SPG21: variants seen among roughly 807,000 people sequenced by gnomAD.
SPG21 encodes maspardin.
SPG21 carries 26 observed loss-of-function variants against 38.9 expected under a neutral mutation model. The ratio of observed to expected loss-of-function variants is 0.67; its 90% CI spans 0.49 to 0.93. SPG21 has a LOEUF of 0.93. Among genes scored for constraint, SPG21 ranks in the 40% least tolerant of loss-of-function variants. The pLI is 0.00. For synonymous variants in SPG21, 136 were observed against 128.9 expected, an observed-to-expected ratio of 1.05 and a Z score of -0.37; for missense variants, 333 against 376.5, an observed-to-expected ratio of 0.88 and a Z score of 0.96.
intron 7 of SPG21, 141 bp downstream of exon 7, chr15:64,969,114 T>C (rs1290544165): frequency 9.1e-6 from 6 of 655,748 alleles, no homozygotes; most frequent in African/African-American, 5.5e-5. Context: ...TATTTTGGAA[T>C]TGAGAAAGCT....
chr15:64,974,262 T>TAAGAA (rs1719355931), intron 5 of SPG21, among the ~76,000 whole-genome samples: 1 of 151,852 alleles, frequency 6.6e-6, no homozygotes, highest in African/African-American at 2.4e-5. Context: ...AGCCCGGGAG[T>TAAGAA]TAGAGACCAG....
chr15:64,981,281 C>A, intron 2 of SPG21: 1 of 431,928 alleles, frequency 2.3e-6, no homozygotes, highest in East Asian at 4.8e-5. Flanking sequence ...TGTTTCTTCC[C>A]CCTCCTCCTT....
intron 7 of SPG21, 45 bp downstream of exon 7, chr15:64,969,210 C>A: frequency 7.8e-7 from 1 of 1,274,814 alleles, no homozygotes. Context: ...TTGACATACA[C>A]ATTTTAAAAA....
At chr15:64,988,079 G>A (rs1195759002) in intron 1 of SPG21, among the ~76,000 whole-genome samples, 2 of 151,776 alleles carry the variant, frequency 1.3e-5, no homozygotes, top group African/African-American at 4.8e-5. Flanking sequence ...CAAATTAGCT[G>A]GGCGCGGTGA....
Position 64,980,936 on chromosome 15 carries a change from A to G in SPG21, c.153T>C (p.Pro51=), listed in dbSNP as rs771940904. 134 of 1,614,024 alleles carry G rather than the reference A, an allele frequency of 8.3e-5. No homozygotes were observed. The highest frequency in any genetic ancestry group is 9.6e-5 in the Non-Finnish European group (113 of 1,180,016). ...SIRCPLIFLP[P]VSGTADVFFR... ...AAAAGACATCTGCAGTTCCACTGACAGGGGGCAGGAATATGAGAGGACACC... is the reference window on the plus strand; with the variant it reads ...AAAAGACATCTGCAGTTCCACTGACGGGGGGCAGGAATATGAGAGGACACC... Residue 51 remains proline (P), a synonymous_variant, in exon 3 of 9, where the codon CCT becomes CCC. Coordinates refer to ENST00000204566, the MANE Select transcript of SPG21 (RefSeq NM_016630.7).
chr15:64,986,221 C>T (rs2085990083), intron 1 of SPG21, among the ~76,000 whole-genome samples: 1 of 151,134 alleles, frequency 6.6e-6, no homozygotes, highest in Non-Finnish European at 1.5e-5. Context: ...CAAAAATTAG[C>T]CTGGCGTGGT....
At chr15:64,967,470 C>CTTTTT (rs34545889) in intron 7 of SPG21, among the ~76,000 whole-genome samples, 1 of 143,844 alleles carries the variant, frequency 7.0e-6, no homozygotes. Flanking sequence ...GCTAATTTTC[C>CTTTTT]TTTTTTTTTT....
At chr15:64,980,471 G>A (rs2085860703) in intron 3 of SPG21, among the ~76,000 whole-genome samples, 1 of 152,132 alleles carries the variant, frequency 6.6e-6, no homozygotes, top group African/African-American at 2.4e-5. Flanking sequence ...GGGCGCAGTG[G>A]CTCGTGGCTG....
chr15:64,963,913 T>C (rs1212119325), intron 8 of SPG21, among the ~76,000 whole-genome samples, 177 bp from the exon 9 acceptor site: 2 of 152,096 alleles, frequency 1.3e-5, no homozygotes, highest in Admixed American at 6.5e-5. Context: ...CCCGCCACCA[T>C]GCCCAGCTAA....
At chr15:64,971,786 G>A (rs553203876) in intron 5 of SPG21, among the ~76,000 whole-genome samples, 17 of 152,212 alleles carry the variant, frequency 1.1e-4, no homozygotes, top group East Asian at 3.9e-4. Context: ...CAGTGAGAAC[G>A]TGCCACTGCA....
At chr15:64,967,805 C>G (rs1225187129) in intron 7 of SPG21, among the ~76,000 whole-genome samples, 7 of 152,070 alleles carry the variant, frequency 4.6e-5, no homozygotes, top group Admixed American at 3.9e-4. Context: ...ACAGGGTCTC[C>G]TGTATTGCCC....
intron 2 of SPG21, among the ~76,000 whole-genome samples, chr15:64,982,510 G>A (rs1166884516): frequency 6.6e-6 from 1 of 152,016 alleles, no homozygotes; most frequent in East Asian, 1.9e-4. Context: ...TCAAACTCCT[G>A]GCCTCAAATG....
At chr15:64,964,853 A>C (rs971779678) in intron 8 of SPG21, among the ~76,000 whole-genome samples, 1 of 151,580 alleles carries the variant, frequency 6.6e-6, no homozygotes, top group Non-Finnish European at 1.5e-5. Flanking sequence ...GCTGGTCTTG[A>C]CCTCCTGACC....
chr15:64,966,252 T>C (rs2085537964), intron 7 of SPG21, among the ~76,000 whole-genome samples: 1 of 152,218 alleles, frequency 6.6e-6, no homozygotes, highest in African/African-American at 2.4e-5. Context: ...GTTTGCAGCA[T>C]ATGATTCTAG....
At chr15:64,986,344 C>A (rs977764453) in intron 1 of SPG21, among the ~76,000 whole-genome samples, 3 of 148,712 alleles carry the variant, frequency 2.0e-5, no homozygotes, top group Admixed American at 6.7e-5. Flanking sequence ...CCAGCCTGGG[C>A]GACAGAGTGA....
At chr15:64,971,216 C>A (rs984950114) in intron 5 of SPG21, among the ~76,000 whole-genome samples, 1 of 152,034 alleles carries the variant, frequency 6.6e-6, no homozygotes, top group Non-Finnish European at 1.5e-5. Context: ...TACCACCAGG[C>A]CTGACTAATT....
At chr15:64,974,350 C>T (rs926669787) in intron 5 of SPG21, among the ~76,000 whole-genome samples, 1 of 151,874 alleles carries the variant, frequency 6.6e-6, no homozygotes, top group Non-Finnish European at 1.5e-5. Flanking sequence ...GCATGCCTGC[C>T]TGTAGTTCCA....
At position 64,986,750 on chromosome 15, in the gene SPG21, T is replaced by C. The variant is rs528305538; in HGVS notation, c.-25+2915A>G. Among the ~76,000 whole-genome samples the C allele has an allele frequency of 3.3e-5, 5 of 152,184 alleles. No homozygotes were observed. In the East Asian group the frequency reaches 9.6e-4, roughly 29 times the overall value. ...CAAAAAACAAAAAAAAACTAAGCCA[T>C]TTTAACTATAGGCTTTCTCTAAGCT... On this transcript the variant is annotated intron_variant, in intron 1 of 8. Transcript: ENST00000204566.
intron 3 of SPG21, among the ~76,000 whole-genome samples, chr15:64,978,214 G>A (rs1225739434): frequency 2.0e-5 from 3 of 151,696 alleles, no homozygotes; most frequent in East Asian, 2.0e-4. Flanking sequence ...TTGGGAGGCC[G>A]AGGCGGGTGA....
Sources: gnomAD v4.1 joint callset for allele counts (sites outside exome capture counted in the v4.1 genomes callset) on GRCh38, gnomAD v4.1.1 for gene constraint, MANE v1.5 for transcripts, NCBI Gene and HGNC (gene_info 2026-07-23, HGNC 2026-07-21) for gene names.